Variants in AFG2A observed in about 807,000 individuals in gnomAD.
AFG2A encodes the protein AAA ATPase AFG2A.
chr4:122,923,240 C>G, the AFG2A span: 5 of 1,614,230 alleles, frequency 3.1e-6, no homozygotes, highest in Non-Finnish European at 4.2e-6. Context: ...GCACGGGCTC[C>G]TTCTGCTGGA....
chr4:123,062,443 T>A, the AFG2A span, among the ~76,000 whole-genome samples: 3 of 152,206 alleles, frequency 2.0e-5, no homozygotes, highest in Admixed American at 6.5e-5. Context: ...AGATTTTTTT[T>A]AAAACTATCA....
chr4:123,275,306 T>C, the AFG2A span, among the ~76,000 whole-genome samples: 1 of 152,226 alleles, frequency 6.6e-6, no homozygotes, highest in East Asian at 1.9e-4. Context: ...TTGCATAAAG[T>C]TCTCCTGGCC....
the AFG2A span, among the ~76,000 whole-genome samples, chr4:123,070,703 G>C: frequency 6.6e-6 from 1 of 152,080 alleles, no homozygotes. Flanking sequence ...ATGCATTTTG[G>C]GAAGAGGCAA....
the AFG2A span, among the ~76,000 whole-genome samples, chr4:123,032,289 G>A: frequency 6.6e-6 from 1 of 152,184 alleles, no homozygotes; most frequent in Non-Finnish European, 1.5e-5. Flanking sequence ...GCACAATTCA[G>A]AGTACAGGTG....
chr4:122,947,563 T>A, the AFG2A span: 5 of 1,325,636 alleles, frequency 3.8e-6, no homozygotes, highest in Non-Finnish European at 2.9e-6. Flanking sequence ...ATAATTTATA[T>A]TTTACAGATT....
At chr4:122,939,071 C>CTCTCTTTTTTTTTTTTTT in the AFG2A span, among the ~76,000 whole-genome samples, 2 of 76,210 alleles carry the variant, frequency 2.6e-5, 1 homozygote. Context: ...GGGATATGTT[C>CTCTCTTTTTTTTTTTTTT]TTTCTTTTTT....
the AFG2A span, among the ~76,000 whole-genome samples, chr4:123,148,060 C>G: frequency 6.6e-6 from 1 of 152,068 alleles, no homozygotes; most frequent in Non-Finnish European, 1.5e-5. Context: ...TCAAAGATAT[C>G]TTTTAAATAG....
At chr4:122,992,192 A>G in the AFG2A span, among the ~76,000 whole-genome samples, 1 of 152,244 alleles carries the variant, frequency 6.6e-6, no homozygotes, top group Non-Finnish European at 1.5e-5. Context: ...AACTGGTACT[A>G]CAACTGCATA....
chr4:123,035,936 G>T, the AFG2A span, among the ~76,000 whole-genome samples: 1 of 152,056 alleles, frequency 6.6e-6, no homozygotes. Flanking sequence ...ACATTTTATT[G>T]TTGGGTTTAA....
chr4:122,981,360 T>TTC, the AFG2A span, among the ~76,000 whole-genome samples: 126,264 of 151,900 alleles, frequency 0.83, 53,629 homozygotes, highest in East Asian at 0.96. Flanking sequence ...GGGCTCTCTA[T>TTC]TGTTTCATTT....
chr4:123,186,002 T>G, the AFG2A span, among the ~76,000 whole-genome samples: 3 of 152,226 alleles, frequency 2.0e-5, no homozygotes, highest in African/African-American at 7.2e-5. Flanking sequence ...AACATGGATA[T>G]TTACGGACTA....
chr4:122,991,860 G>A, the AFG2A span, among the ~76,000 whole-genome samples: 8,191 of 152,222 alleles, frequency 0.054, 524 homozygotes, highest in African/African-American at 0.16. Flanking sequence ...TGTTGGGCTA[G>A]TAGAAACTTT....
At chr4:123,091,297 C>A in the AFG2A span, among the ~76,000 whole-genome samples, 1 of 152,152 alleles carries the variant, frequency 6.6e-6, no homozygotes, top group Admixed American at 6.5e-5. Context: ...TACAAAGGAT[C>A]TTAAACTAAA....
the AFG2A span, among the ~76,000 whole-genome samples, chr4:122,987,964 C>T: frequency 4.6e-5 from 7 of 152,038 alleles, no homozygotes; most frequent in African/African-American, 1.7e-4. Context: ...GATGAACTGG[C>T]TCTAGTGGTG....
At chr4:123,178,424 G>T in the AFG2A span, among the ~76,000 whole-genome samples, 1 of 152,124 alleles carries the variant, frequency 6.6e-6, no homozygotes. Flanking sequence ...TTTTGTTTAA[G>T]AAACAAATGT....
chr4:123,024,940 G>A, the AFG2A span, among the ~76,000 whole-genome samples: 3 of 152,162 alleles, frequency 2.0e-5, no homozygotes, highest in Non-Finnish European at 4.4e-5. Context: ...TTTAGAAAGA[G>A]GATGGGGTAG....
chr4:123,131,945 G>A, the AFG2A span, among the ~76,000 whole-genome samples: 1 of 64,400 alleles, frequency 1.6e-5, no homozygotes, highest in Non-Finnish European at 5.9e-5. Flanking sequence ...TCCAATAGTG[G>A]GAACAAGGTT....
At chr4:123,090,250 A>G in the AFG2A span, among the ~76,000 whole-genome samples, 49 of 152,346 alleles carry the variant, frequency 3.2e-4, no homozygotes, top group Non-Finnish European at 5.0e-4. Flanking sequence ...TAGAATATAA[A>G]CATTGATTGA....
At chr4:122,968,859 T>G in the AFG2A span, among the ~76,000 whole-genome samples, 135 of 152,282 alleles carry the variant, frequency 8.9e-4, 1 homozygote, top group Non-Finnish European at 1.7e-3. Flanking sequence ...TGGTTTTAGT[T>G]CCCTGATGAC....
Sources: gnomAD v4.1 joint callset for allele counts (sites outside exome capture counted in the v4.1 genomes callset) on GRCh38, gnomAD v4.1.1 for gene constraint, MANE v1.5 for transcripts, NCBI Gene and HGNC (gene_info 2026-07-23, HGNC 2026-07-21) for gene names.